MYOCD: variants seen among roughly 807,000 people sequenced by gnomAD.
MYOCD encodes myocardin.
Under a neutral mutation model 96.1 loss-of-function variants are expected in MYOCD, and 32 were observed. That is an observed-to-expected ratio of 0.33 (90% CI 0.25 to 0.45). The LOEUF is 0.45. MYOCD is among the 20% of genes least tolerant of loss of function. The pLI, the probability that MYOCD is intolerant of heterozygous loss-of-function variation, is 1.00. For synonymous variants in MYOCD, 469 were observed against 469.0 expected, an observed-to-expected ratio of 1.00 and a Z score of 0.00; for missense variants, 1,133 against 1,200.6, an observed-to-expected ratio of 0.94 and a Z score of 0.83.
At chr17:12,742,514 G>A (rs1597799065) in intron 7 of MYOCD, among the ~76,000 whole-genome samples, 1 of 151,962 alleles carries the variant, frequency 6.6e-6, no homozygotes, top group Admixed American at 6.6e-5. Flanking sequence ...TAGCTCACTC[G>A]TGGTCATGAC....
At chr17:12,675,446 G>A (rs898627435) in intron 1 of MYOCD, among the ~76,000 whole-genome samples, 2 of 152,074 alleles carry the variant, frequency 1.3e-5, no homozygotes, top group Admixed American at 6.5e-5. Flanking sequence ...ACAATGCAAA[G>A]CAAAAAGAAA....
At position 12,754,824 on chromosome 17, in the gene MYOCD, G is replaced by A. The variant is rs569133994; in HGVS notation, c.2058+1478G>A. Reference sequence around the variant, plus strand: ...CCTGCTAAGTGCCAAGCATTACAAGGCATGTCTATGAGTAATCTCAGTTAT... The same window carrying A: ...CCTGCTAAGTGCCAAGCATTACAAGACATGTCTATGAGTAATCTCAGTTAT... On this transcript the variant is annotated intron_variant, in intron 10 of 13. Coordinates refer to ENST00000425538, the MANE Select transcript of MYOCD (RefSeq NM_001146312.3). 2.0e-5 allele frequency among the ~76,000 whole-genome samples: 3 copies of A among 152,314 alleles called. No individual in the cohort carries two copies. The South Asian group carries it at 6.2e-4, about 32-fold the overall frequency.
At chr17:12,676,317 T>A (rs1018058411) in intron 1 of MYOCD, among the ~76,000 whole-genome samples, 1 of 144,970 alleles carries the variant, frequency 6.9e-6, no homozygotes, top group African/African-American at 2.5e-5. Flanking sequence ...CATAAGACAG[T>A]AAAAAAAGAA....
intron 1 of MYOCD, among the ~76,000 whole-genome samples, chr17:12,679,701 A>T (rs150234542): frequency 0.013 from 2,015 of 152,306 alleles, 21 homozygotes; most frequent in South Asian, 0.053. Flanking sequence ...TAACAAAAAG[A>T]AAATATTTAA....
At position 12,765,945 on chromosome 17, in the gene MYOCD, T is replaced by G. The variant is rs537379217; in HGVS notation, c.*2301T>G. The G allele has an allele frequency of 6.6e-6, 1 of 152,336 alleles. No individual in the cohort carries two copies. Among genetic ancestry groups the G allele is most frequent in the Non-Finnish European group, 1.5e-5 (1 of 68,026 alleles). The allele number at this position is 152,336 out of a possible 1,614,324, so 9.4% of individuals were successfully genotyped here. On this transcript the variant is annotated 3_prime_UTR_variant, in exon 14 of 14. Transcript: ENST00000425538. ...TTTAAAAGATCCACATGGTAAATTT[T>G]TTATTTTGCTTTTATGTCAGTCATC...
intron 1 of MYOCD, among the ~76,000 whole-genome samples, chr17:12,676,324 A>C (rs1910049939): frequency 6.6e-6 from 1 of 152,040 alleles, no homozygotes; most frequent in Non-Finnish European, 1.5e-5. Flanking sequence ...CAGTAAAAAA[A>C]GAAATTTCTT....
chr17:12,760,163 A>C (rs956122492), intron 12 of MYOCD: 21 of 163,216 alleles, frequency 1.3e-4, no homozygotes, highest in Non-Finnish European at 2.9e-4. Context: ...AATTTTATTC[A>C]GTCTTTAAAA....
intron 8 of MYOCD, 150 bp from the exon 9 acceptor site, chr17:12,745,769 C>T (rs578250908): frequency 8.8e-5 from 66 of 753,594 alleles, no homozygotes; most frequent in South Asian, 2.2e-4. Context: ...ACCGTCTAGC[C>T]GGCAGTGTTG....
chr17:12,715,503 T>C lies in MYOCD; in HGVS notation c.122-16T>C. The stretch of plus-strand genomic sequence containing the variant: ...TTAACCCAGCCTCCACTCACGTTTT[T>C]GTGTTTCTGTTTCAGCACTGAAACG... On this transcript the variant is annotated splice_polypyrimidine_tract_variant and intron_variant, in intron 2 of 13. Transcript: ENST00000425538. The C allele has an allele frequency of 6.2e-7, 1 of 1,612,754 alleles. No homozygotes were observed. The highest frequency in any genetic ancestry group is 1.1e-5 in the South Asian group (1 of 90,814).
intron 9 of MYOCD, among the ~76,000 whole-genome samples, chr17:12,747,392 G>A (rs2032698613): frequency 6.6e-6 from 1 of 151,996 alleles, no homozygotes; most frequent in Non-Finnish European, 1.5e-5. Context: ...ATGAGGAGTT[G>A]ATGTGAAGGG....
intron 1 of MYOCD, among the ~76,000 whole-genome samples, chr17:12,670,124 G>A (rs568686174): frequency 1.4e-4 from 22 of 152,186 alleles, no homozygotes; most frequent in South Asian, 2.1e-4. Context: ...CAGGCAGGCC[G>A]GTGCTCAAGC....
chr17:12,743,615 C>G (rs1272669256), intron 7 of MYOCD, among the ~76,000 whole-genome samples: 1 of 150,338 alleles, frequency 6.7e-6, no homozygotes, highest in Admixed American at 6.7e-5. Flanking sequence ...GCCTCAGTTT[C>G]CCGAGTAGCT....
chr17:12,705,338 C>T, intron 2 of MYOCD, 145 bp downstream of exon 2: 1 of 584,674 alleles, frequency 1.7e-6, no homozygotes, highest in Non-Finnish European at 3.1e-6. Context: ...AAATCCCAGA[C>T]CTTGGATGCT....
At chr17:12,756,007 A>C (rs770830470) in intron 10 of MYOCD, among the ~76,000 whole-genome samples, 2 of 152,252 alleles carry the variant, frequency 1.3e-5, no homozygotes, top group Non-Finnish European at 2.9e-5. Context: ...GGAAGCTTTC[A>C]TGAAGGGGTT....
Position 12,741,734 on chromosome 17 carries a change from G to A in MYOCD, c.717+2406G>A, listed in dbSNP as rs562639336. Among the ~76,000 whole-genome samples the A allele has an allele frequency of 1.1e-4, 16 of 151,282 alleles. No homozygotes were observed. In the South Asian group the frequency reaches 2.3e-3, roughly 22 times the overall value. On this transcript the variant is annotated intron_variant, in intron 7 of 13. Transcript: ENST00000425538. Reference sequence around the variant, plus strand: ...ATATATATAAAAAAAAAAAAAATTAGCAAAGCCTTCAACCTCACTGTAGTA... The same window carrying A: ...ATATATATAAAAAAAAAAAAAATTAACAAAGCCTTCAACCTCACTGTAGTA...
At chr17:12,678,883 G>A (rs371654511) in intron 1 of MYOCD, among the ~76,000 whole-genome samples, 2 of 152,052 alleles carry the variant, frequency 1.3e-5, no homozygotes, top group South Asian at 2.1e-4. Context: ...TTTTTTAGTA[G>A]AGATGGGGTT....
At chr17:12,746,732 T>TTTC (rs1354167398) in intron 9 of MYOCD, among the ~76,000 whole-genome samples, 1 of 147,328 alleles carries the variant, frequency 6.8e-6, no homozygotes, top group Non-Finnish European at 1.5e-5. Flanking sequence ...CCTACCTTTT[T>TTTC]TTTTTTTTTT....
rs1253685077 is a variant in MYOCD at position 12,715,557 on chromosome 17, C to T, written c.160C>T (p.His54Tyr). 1.2e-6 allele frequency: 2 copies of T among 1,613,596 alleles called. No homozygotes were observed. The highest frequency in any genetic ancestry group is 1.1e-5 in the South Asian group (1 of 90,982). The change falls in exon 3 of 14, where the codon CAT becomes TAT. Residue 54 changes from histidine to tyrosine, a missense_variant. By Grantham distance (83) the His-to-Tyr change is moderately conservative. Coordinates refer to ENST00000425538, the MANE Select transcript of MYOCD (RefSeq NM_001146312.3). ...AGCTGAATTCCATGAGCAAAGAAAA[C>T]ATTTGGATAGTGACAAGGTAATTTT... Reference protein sequence around the residue: ...RPAEFHEQRKHLDSDKAKNSL... With the variant: ...RPAEFHEQRKYLDSDKAKNSL...
At chr17:12,691,582 AG>A (rs1720379801) in intron 1 of MYOCD, among the ~76,000 whole-genome samples, 2 of 152,164 alleles carry the variant, frequency 1.3e-5, no homozygotes, top group African/African-American at 4.8e-5. Context: ...TTGAGTTACT[AG>A]GGGGCAGGTA....
Sources: allele counts gnomAD v4.1 joint callset (sites outside exome capture counted in the v4.1 genomes callset), GRCh38; gene constraint gnomAD v4.1.1; transcripts MANE v1.5; gene names NCBI Gene and HGNC (gene_info 2026-07-23, HGNC 2026-07-21).